The following PHKB variants were observed in gnomAD, a reference collection of about 807,000 sequenced individuals.
PHKB encodes phosphorylase b kinase regulatory subunit beta.
PHKB carries 122 observed loss-of-function variants against 152.1 expected under a neutral mutation model. The ratio of observed to expected loss-of-function variants is 0.80; its 90% confidence interval spans 0.69 to 0.93. The LOEUF is 0.93. Ranked by LOEUF, PHKB falls within the 40% of genes least tolerant of loss-of-function variation. PHKB has a pLI of 0.00. For synonymous variants in PHKB, 436 were observed against 464.9 expected (o/e 0.94, Z 0.80); for missense variants, 1,304 against 1,328.4 (o/e 0.98, Z 0.29).
intron 1 of PHKB, chr16:47,462,091 G>A (rs1347097978): frequency 6.6e-6 from 1 of 152,244 alleles, no homozygotes; most frequent in Non-Finnish European, 1.5e-5. Flanking sequence ...ACAGTTCCAA[G>A]TGTCCCGAAC....
intron 1 of PHKB, among the ~76,000 whole-genome samples, chr16:47,481,588 C>A (rs968989257): frequency 6.6e-6 from 1 of 152,200 alleles, no homozygotes; most frequent in Non-Finnish European, 1.5e-5. Flanking sequence ...CCAATTAATC[C>A]AGAAACCATT....
At chr16:47,666,463 C>T (rs750867479) in intron 25 of PHKB, among the ~76,000 whole-genome samples, 1 of 152,174 alleles carries the variant, frequency 6.6e-6, no homozygotes, top group Non-Finnish European at 1.5e-5. Context: ...CAGTGCTGCT[C>T]CCCAGATCCC....
At chr16:47,655,331 T>C (rs182979920) in intron 20 of PHKB, among the ~76,000 whole-genome samples, 5 of 152,218 alleles carry the variant, frequency 3.3e-5, no homozygotes, top group African/African-American at 7.2e-5. Flanking sequence ...TAAAAGATGT[T>C]TATTTTAAGA....
chr16:47,684,825 G>T (rs535063635), intron 26 of PHKB, among the ~76,000 whole-genome samples: 1 of 151,986 alleles, frequency 6.6e-6, no homozygotes, highest in African/African-American at 2.4e-5. Context: ...TCCCAGAACT[G>T]TCTGAAGAAT....
At chr16:47,698,021 T>C (rs1974180585) in intron 29 of PHKB, among the ~76,000 whole-genome samples, 1 of 152,112 alleles carries the variant, frequency 6.6e-6, no homozygotes, top group Non-Finnish European at 1.5e-5. Flanking sequence ...GGGTCCAGAG[T>C]CTCCATTGAA....
chr16:47,558,912 T>C (rs745860494), intron 7 of PHKB, among the ~76,000 whole-genome samples: 3 of 152,234 alleles, frequency 2.0e-5, no homozygotes, highest in Non-Finnish European at 4.4e-5. Context: ...AGCTGTTTTT[T>C]TATACCATTA....
chr16:47,678,373 C>T (rs1432434925), intron 26 of PHKB, among the ~76,000 whole-genome samples: 10 of 152,162 alleles, frequency 6.6e-5, no homozygotes, highest in Middle Eastern at 3.2e-3. Flanking sequence ...TGAACTAGTT[C>T]AGAGTCCCAC....
intron 6 of PHKB, among the ~76,000 whole-genome samples, chr16:47,536,108 G>A (rs1039592255): frequency 6.6e-6 from 1 of 152,172 alleles, no homozygotes; most frequent in Admixed American, 6.5e-5. Flanking sequence ...CTGGAGTGCA[G>A]TGGCGCGATC....
intron 14 of PHKB, 79 bp downstream of exon 14, chr16:47,610,999 A>G (rs1972417799): frequency 2.3e-6 from 2 of 882,048 alleles, no homozygotes; most frequent in Non-Finnish European, 3.8e-6. Context: ...TTTTGTTCTG[A>G]ATAGGTTTTT....
At chr16:47,645,097 T>G (rs1356184721) in intron 16 of PHKB, among the ~76,000 whole-genome samples, 1 of 152,218 alleles carries the variant, frequency 6.6e-6, no homozygotes, top group East Asian at 1.9e-4. Context: ...GAGTTCATTG[T>G]AGATTCTGGA....
chr16:47,579,380 G>A (rs966662927), intron 7 of PHKB, among the ~76,000 whole-genome samples: 1 of 152,110 alleles, frequency 6.6e-6, no homozygotes, highest in Non-Finnish European at 1.5e-5. Flanking sequence ...TGATTATGGA[G>A]CCCTACTCCC....
At chr16:47,574,344 A>C (rs1597096244) in intron 7 of PHKB, among the ~76,000 whole-genome samples, 1 of 152,020 alleles carries the variant, frequency 6.6e-6, no homozygotes, top group East Asian at 1.9e-4. Flanking sequence ...CCGCTTTCAC[A>C]CCCTGGAGAC....
intron 8 of PHKB, among the ~76,000 whole-genome samples, chr16:47,587,083 A>C (rs1337240160): frequency 6.6e-6 from 1 of 152,208 alleles, no homozygotes; most frequent in Non-Finnish European, 1.5e-5. Context: ...CTTTTCAGTA[A>C]AATGGGGAAA....
At chr16:47,561,671 C>T (rs988360428) in intron 7 of PHKB, 2 of 152,196 alleles carry the variant, frequency 1.3e-5, no homozygotes, top group Admixed American at 6.5e-5. Flanking sequence ...AAGAGAACAA[C>T]ATTGGCAGCT....
At chr16:47,494,436 C>G (rs1269605084) in intron 1 of PHKB, among the ~76,000 whole-genome samples, 1 of 152,104 alleles carries the variant, frequency 6.6e-6, no homozygotes, top group Non-Finnish European at 1.5e-5. Flanking sequence ...ATTCCAGGAA[C>G]TGGAAGATAA....
chr16:47,661,866 T>A (rs1021897042), intron 23 of PHKB, 66 bp downstream of exon 23: 1 of 946,850 alleles, frequency 1.1e-6, no homozygotes, highest in African/African-American at 1.6e-5. Context: ...ATATCAAATA[T>A]GCATAAGCTA....
At chr16:47,603,124 A>G (rs571924151) in intron 13 of PHKB, among the ~76,000 whole-genome samples, 1 of 152,336 alleles carries the variant, frequency 6.6e-6, no homozygotes, top group African/African-American at 2.4e-5. Context: ...TCATTCATCA[A>G]GTGTCCCCTA....
In PHKB at chr16:47,607,408, G is replaced by A. The variant is rs143091537; in HGVS notation, c.1364-3418G>A. Among the ~76,000 whole-genome samples, 185 of 152,174 alleles carry A rather than the reference G, an allele frequency of 1.2e-3. 1 individual carries two copies. Among genetic ancestry groups the A allele is most frequent in the African/African-American group, 4.2e-3 (176 of 41,534 alleles). On this transcript the variant is annotated intron_variant, in intron 13 of 30. Transcript: ENST00000323584. ...TAATTCTATAGATTTGCCTATTTGG[G>A]ACCTTTCATGTAACTCGAAACTGAT...
chr16:47,686,134 G>C (rs953070465), intron 26 of PHKB, among the ~76,000 whole-genome samples: 1 of 152,198 alleles, frequency 6.6e-6, no homozygotes, highest in Non-Finnish European at 1.5e-5. Flanking sequence ...GAACAGTGTT[G>C]TCAATAATTT....
Sources: gnomAD v4.1 joint callset for allele counts (sites outside exome capture counted in the v4.1 genomes callset) on GRCh38, gnomAD v4.1.1 for gene constraint, MANE v1.5 for transcripts, NCBI Gene and HGNC (gene_info 2026-07-23, HGNC 2026-07-21) for gene names.